The following PMFBP1 variants were observed in gnomAD, a reference collection of about 807,000 sequenced individuals.
The protein encoded by PMFBP1 is polyamine modulated factor 1 binding protein 1.
A neutral mutation model predicts 137.8 loss-of-function variants in PMFBP1; 131 were observed. The observed-to-expected ratio is 0.95, with a 90% confidence interval of 0.82 to 1.10. The LOEUF is 1.10. Ranked by LOEUF, PMFBP1 falls within the 50% of genes least tolerant of loss-of-function variation. PMFBP1 has a pLI of 0.00. For missense variants in PMFBP1, 1,199 were observed against 1,175.4 expected (o/e 1.02, Z -0.29); for synonymous variants, 490 against 450.4 (o/e 1.09, Z -1.11).
intron 7 of PMFBP1, among the ~76,000 whole-genome samples, chr16:72,137,349 G>A (rs1436169247): frequency 6.6e-6 from 1 of 152,166 alleles, no homozygotes; most frequent in Admixed American, 6.5e-5. Flanking sequence ...TGACCTAGTG[G>A]GGTGAGATGA....
intron 18 of PMFBP1, among the ~76,000 whole-genome samples, chr16:72,123,249 C>G (rs1438981615): frequency 6.6e-6 from 1 of 152,182 alleles, no homozygotes; most frequent in Non-Finnish European, 1.5e-5. Flanking sequence ...GGCAGTGAAG[C>G]TGGATCCTGG....
chr16:72,227,885 C>A, the PMFBP1 span, among the ~76,000 whole-genome samples: 2 of 152,128 alleles, frequency 1.3e-5, no homozygotes, highest in Non-Finnish European at 2.9e-5. Context: ...TAAATGGTAG[C>A]TATTTATTGT....
intron 7 of PMFBP1, 85 bp downstream of exon 7, chr16:72,139,204 A>G: frequency 2.1e-6 from 2 of 942,530 alleles, no homozygotes; most frequent in Non-Finnish European, 3.2e-6. Context: ...ATTGTCATAT[A>G]AAAATAAAAA....
At chr16:72,249,740 C>A in the PMFBP1 span, among the ~76,000 whole-genome samples, 2 of 150,618 alleles carry the variant, frequency 1.3e-5, no homozygotes, top group South Asian at 2.1e-4. Context: ...CATGGTGAAA[C>A]CCCGTCTCTA....
rs375520622 is a variant in PMFBP1, at chr16:72,154,393, A to C, written c.232T>G (p.Cys78Gly). ...SEVEFGSSKQ[C>G]HLRQLQQLKK... Reference sequence around the variant, plus strand: ...AGTTGCTGGAGTTGTCTCAGATGACACTGTTTACTGGACCCAAATTCCACC... The same window carrying C: ...AGTTGCTGGAGTTGTCTCAGATGACCCTGTTTACTGGACCCAAATTCCACC... Residue 78 changes from cysteine to glycine, a missense_variant, in exon 4 of 21, where the codon TGT becomes GGT. Coordinates refer to ENST00000237353, the MANE Select transcript of PMFBP1 (RefSeq NM_031293.3). 1 of 1,614,144 alleles carries C rather than the reference A, an allele frequency of 6.2e-7. No individual in the cohort carries two copies. The highest frequency in any genetic ancestry group is 1.1e-5 in the South Asian group (1 of 91,088).
chr16:72,191,911 C>T, the PMFBP1 span, among the ~76,000 whole-genome samples: 1 of 152,202 alleles, frequency 6.6e-6, no homozygotes, highest in Admixed American at 6.5e-5. Flanking sequence ...TTGCTAACTA[C>T]TGAGTGTGCA....
At chr16:72,171,117 AT>A in intron 2 of PMFBP1, 79 bp downstream of exon 2, 1 of 1,487,136 alleles carries the variant, frequency 6.7e-7, no homozygotes, top group Admixed American at 1.7e-5. Flanking sequence ...TATTACTGGA[AT>A]TTTGAATCAT....
chr16:72,161,667 T>G (rs1000838219), intron 3 of PMFBP1, among the ~76,000 whole-genome samples: 1 of 152,170 alleles, frequency 6.6e-6, no homozygotes, highest in Admixed American at 6.5e-5. Flanking sequence ...GTTAACTTCT[T>G]AAATAACTGG....
At chr16:72,238,969 C>T in the PMFBP1 span, among the ~76,000 whole-genome samples, 1 of 151,990 alleles carries the variant, frequency 6.6e-6, no homozygotes, top group East Asian at 1.9e-4. Flanking sequence ...AATAATTATC[C>T]TGTCAATTCT....
chr16:72,176,170 G>A (rs370338168), upstream of PMFBP1, among the ~76,000 whole-genome samples: 6 of 152,294 alleles, frequency 3.9e-5, no homozygotes, highest in South Asian at 8.3e-4. Context: ...TCCAGGACTG[G>A]AGTTCTTCTG....
chr16:72,225,344 A>T, the PMFBP1 span, among the ~76,000 whole-genome samples: 1 of 152,102 alleles, frequency 6.6e-6, no homozygotes, highest in Non-Finnish European at 1.5e-5. Context: ...GGTCAAGCTT[A>T]CCACCTTAGG....
At chr16:72,167,750 G>A (rs1407454547) in intron 2 of PMFBP1, among the ~76,000 whole-genome samples, 1 of 152,168 alleles carries the variant, frequency 6.6e-6, no homozygotes, top group South Asian at 2.1e-4. Context: ...CTGCTCCACA[G>A]GAGAGCCAAA....
the PMFBP1 span, among the ~76,000 whole-genome samples, chr16:72,234,682 T>C: frequency 3.3e-5 from 5 of 152,204 alleles, no homozygotes; most frequent in African/African-American, 1.2e-4. Flanking sequence ...AATAAACTTC[T>C]TTGCCTATTT....
rs113503222 is a variant in PMFBP1 at position 72,124,814 on chromosome 16, C to T, written c.2542G>A (p.Glu848Lys). 1.7e-5 allele frequency: 27 copies of T among 1,614,220 alleles called. 1 individual carries two copies. The African/African-American group carries it at 2.7e-4, about 16-fold the overall frequency. ...AKEEQLREFQ[E>K]EMAALKENLL... is the part of the protein sequence containing the mutation. ...TTCTCTTTTAAGGCGGCCATCTCCTCCTGGAACTCCCTGAGCTGCTCCTCT... is the reference window on the plus strand; with the variant it reads ...TTCTCTTTTAAGGCGGCCATCTCCTTCTGGAACTCCCTGAGCTGCTCCTCT... The change falls in exon 17 of 21, where the codon GAG (glutamate) becomes AAG (lysine). Residue 848 changes from glutamate (E) to lysine (K), a missense_variant. By Grantham distance (56) the Glu-to-Lys change is moderately conservative (BLOSUM62 1). Transcript: ENST00000237353.
the PMFBP1 span, among the ~76,000 whole-genome samples, chr16:72,215,231 G>T: frequency 0.34 from 51,124 of 151,812 alleles, 9,459 homozygotes; most frequent in African/African-American, 0.5. Context: ...AAAATTGAAG[G>T]AGGACATGAG....
chr16:72,243,635 T>C, the PMFBP1 span, among the ~76,000 whole-genome samples: 57 of 152,124 alleles, frequency 3.7e-4, no homozygotes, highest in Admixed American at 2.3e-3. Flanking sequence ...CTCTGTTCCT[T>C]TATTGATGGA....
At chr16:72,170,741 C>A (rs1053235532) in intron 2 of PMFBP1, among the ~76,000 whole-genome samples, 1 of 152,154 alleles carries the variant, frequency 6.6e-6, no homozygotes, top group Non-Finnish European at 1.5e-5. Context: ...CCCATAAACA[C>A]AGTTTGACCA....
At chr16:72,135,130 C>A (rs1368341982) in intron 9 of PMFBP1, among the ~76,000 whole-genome samples, 1 of 152,140 alleles carries the variant, frequency 6.6e-6, no homozygotes, top group Admixed American at 6.5e-5. Context: ...TGCCTTGAAA[C>A]AGGAGGTTTT....
the PMFBP1 span, among the ~76,000 whole-genome samples, chr16:72,230,821 C>G: frequency 6.6e-6 from 1 of 152,168 alleles, no homozygotes; most frequent in African/African-American, 2.4e-5. Flanking sequence ...GACCTCCCAA[C>G]TGGTCTCCCT....
Sources: gnomAD v4.1 joint callset for allele counts (sites outside exome capture counted in the v4.1 genomes callset) on GRCh38, gnomAD v4.1.1 for gene constraint, MANE v1.5 for transcripts, NCBI Gene and HGNC (gene_info 2026-07-23, HGNC 2026-07-21) for gene names.